ADAM18: variants seen among roughly 807,000 people sequenced by gnomAD.
ADAM18 encodes the protein disintegrin and metalloproteinase domain-containing protein 18.
ADAM18 carries 117 observed loss-of-function variants against 94.4 expected under a neutral mutation model. That is an observed-to-expected ratio of 1.24 (90% CI 1.07 to 1.45). ADAM18 has a LOEUF of 1.45. ADAM18 is among the 40% of genes most tolerant of loss of function. The pLI is 0.00. For missense variants in ADAM18, 936 were observed against 880.0 expected (o/e 1.06, Z -0.81); for synonymous variants, 327 against 291.6 (o/e 1.12, Z -1.24).
At chr8:39,610,158 A>G (rs1413387349) in intron 5 of ADAM18, among the ~76,000 whole-genome samples, 1 of 152,158 alleles carries the variant, frequency 6.6e-6, no homozygotes, top group African/African-American at 2.4e-5. Context: ...TATAGATAAC[A>G]ACCTCATTAG....
chr8:39,617,284 C>T (rs1349121253), intron 6 of ADAM18, among the ~76,000 whole-genome samples: 3 of 152,092 alleles, frequency 2.0e-5, no homozygotes, highest in Non-Finnish European at 2.9e-5. Context: ...CAAATCATAA[C>T]CACAATGAGA....
At position 39,668,067 on chromosome 8, in the gene ADAM18, G is replaced by A; in HGVS notation, c.1396G>A (p.Gly466Arg). 1 of 1,614,066 alleles carries A rather than the reference G, an allele frequency of 6.2e-7. No individual in the cohort carries two copies. The highest frequency in any genetic ancestry group is 8.5e-7 in the Non-Finnish European group (1 of 1,179,992). The change falls in exon 14 of 20, where the codon GGA becomes AGA. Residue 466 changes from glycine to arginine, a missense_variant. Transcript: ENST00000265707. The stretch of plus-strand genomic sequence containing the variant: ...GTGTGATTTTACAGAGTACTGCAAT[G>A]GAACCTCTAGTAATTGTGTTCCTGA... ...PECDFTEYCN[G>R]TSSNCVPDTY...
intron 18 of ADAM18, among the ~76,000 whole-genome samples, chr8:39,718,376 G>A (rs1177070196): frequency 1.3e-5 from 2 of 151,566 alleles, no homozygotes; most frequent in Non-Finnish European, 3.0e-5. Flanking sequence ...GGACTACTCA[G>A]CCTTTAAAAT....
chr8:39,710,499 T>C (rs1306982429), intron 18 of ADAM18, among the ~76,000 whole-genome samples: 1 of 152,178 alleles, frequency 6.6e-6, no homozygotes, highest in African/African-American at 2.4e-5. Flanking sequence ...TCAGGCAAGA[T>C]AAATATAAAT....
At position 39,626,409 on chromosome 8, in the gene ADAM18, T is replaced by C. The variant is rs180700618; in HGVS notation, c.523-2965T>C. On this transcript the variant is annotated intron_variant, in intron 6 of 19. Transcript: ENST00000265707. ...TTTTTGTTTCAATTTCATTTAAACCTGCTCCGATCTTTGTTGTTTCTTTCC... is the reference window on the plus strand; with the variant it reads ...TTTTTGTTTCAATTTCATTTAAACCCGCTCCGATCTTTGTTGTTTCTTTCC... Among the ~76,000 whole-genome samples the C allele has an allele frequency of 2.2e-4, 33 of 152,164 alleles. No individual in the cohort carries two copies. In the East Asian group the frequency reaches 6.0e-3, roughly 28 times the overall value.
intron 13 of ADAM18, among the ~76,000 whole-genome samples, chr8:39,666,287 C>T (rs1820991654): frequency 6.6e-6 from 1 of 152,078 alleles, no homozygotes; most frequent in South Asian, 2.1e-4. Flanking sequence ...CAATCTATCC[C>T]CCTAGGCCTC....
At chr8:39,587,257 A>G (rs1203661189) in intron 2 of ADAM18, among the ~76,000 whole-genome samples, 1 of 152,190 alleles carries the variant, frequency 6.6e-6, no homozygotes, top group Non-Finnish European at 1.5e-5. Context: ...TGATTCTCTT[A>G]ACATATTTTC....
intron 18 of ADAM18, among the ~76,000 whole-genome samples, chr8:39,722,217 GTATATATATATA>G (rs61542840): frequency 0.045 from 4,146 of 91,238 alleles, 151 homozygotes; most frequent in East Asian, 0.2. Context: ...GTGTGTGTGT[GTATATATATATA>G]TATATATATA....
At chr8:39,676,851 G>A (rs1273845257) in intron 14 of ADAM18, among the ~76,000 whole-genome samples, 1 of 152,210 alleles carries the variant, frequency 6.6e-6, no homozygotes, top group Non-Finnish European at 1.5e-5. Context: ...GTGGATAACA[G>A]GATTCATTTA....
intron 18 of ADAM18, among the ~76,000 whole-genome samples, chr8:39,712,823 A>G (rs10107473): frequency 0.35 from 53,120 of 152,086 alleles, 10,560 homozygotes; most frequent in East Asian, 0.75. Flanking sequence ...GTCCATGCTC[A>G]TGAATAGGAA....
intron 13 of ADAM18, among the ~76,000 whole-genome samples, chr8:39,665,549 G>A (rs6983284): frequency 0.019 from 2,826 of 152,282 alleles, 84 homozygotes; most frequent in African/African-American, 0.065. Context: ...ACTATCTTGA[G>A]TTCCCACCAG....
chr8:39,663,598 CAAAAAAAA>C (rs10597769), intron 12 of ADAM18, among the ~76,000 whole-genome samples, 189 bp from the exon 13 acceptor site: 6 of 19,588 alleles, frequency 3.1e-4, no homozygotes, highest in South Asian at 4.5e-3. Flanking sequence ...AATCCTGTCT[CAAAAAAAA>C]AAAAAAAAAA....
Position 39,645,399 on chromosome 8 carries a change from A to G in ADAM18, c.971A>G (p.Asn324Ser). The G allele has an allele frequency of 1.9e-6, 3 of 1,612,688 alleles. No homozygotes were observed. The highest frequency in any genetic ancestry group is 2.5e-6 in the Non-Finnish European group (3 of 1,179,306). ...ATTATAGCTCAACTGCTTGGCCTTA[A>G]TGTAGGATTAACATATGATGACATC... The part of the protein sequence containing the change: ...SVIIAQLLGL[N>S]VGLTYDDITQ... Residue 324 changes from asparagine (N) to serine (S), a missense_variant, in exon 11 of 20, where the codon AAT (asparagine) becomes AGT (serine). Transcript: ENST00000265707.
intron 17 of ADAM18, among the ~76,000 whole-genome samples, chr8:39,697,527 G>A (rs1027609265): frequency 6.6e-6 from 1 of 151,336 alleles, no homozygotes; most frequent in Non-Finnish European, 1.5e-5. Context: ...CATTTATTTT[G>A]TCTTCTATAT....
At chr8:39,592,364 AT>A (rs1352418571) in intron 2 of ADAM18, among the ~76,000 whole-genome samples, 1 of 152,212 alleles carries the variant, frequency 6.6e-6, no homozygotes, top group Admixed American at 6.5e-5. Context: ...AGGAATATAG[AT>A]CATTTTAAAA....
intron 6 of ADAM18, among the ~76,000 whole-genome samples, chr8:39,619,178 T>A (rs2129578749): frequency 6.6e-6 from 1 of 152,218 alleles, no homozygotes; most frequent in Admixed American, 6.5e-5. Flanking sequence ...AAAGCAAACA[T>A]TAATAGATCT....
intron 6 of ADAM18, among the ~76,000 whole-genome samples, chr8:39,627,967 T>G (rs2129578995): frequency 6.6e-6 from 1 of 152,234 alleles, no homozygotes; most frequent in Admixed American, 6.5e-5. Context: ...TATCCTTCAT[T>G]TATAAAACTT....
chr8:39,585,435 A>C, intron 2 of ADAM18, 83 bp downstream of exon 2: 1 of 939,784 alleles, frequency 1.1e-6, no homozygotes, highest in East Asian at 2.7e-5. Context: ...GATCATACTA[A>C]TTTGTATTCA....
intron 19 of ADAM18, among the ~76,000 whole-genome samples, chr8:39,727,530 C>G (rs932756139): frequency 2.7e-4 from 41 of 152,170 alleles, no homozygotes; most frequent in Non-Finnish European, 4.4e-5. Context: ...ATCTTTAGTT[C>G]AAGCTTCCAC....
Sources: allele counts gnomAD v4.1 joint callset (sites outside exome capture counted in the v4.1 genomes callset), GRCh38; gene constraint gnomAD v4.1.1; transcripts MANE v1.5; gene names NCBI Gene and HGNC (gene_info 2026-07-23, HGNC 2026-07-21).